Variants in HS3ST2 observed in about 807,000 individuals in gnomAD.
The protein encoded by HS3ST2 is heparan sulfate-glucosamine 3-sulfotransferase 2.
A neutral mutation model predicts 26.3 loss-of-function variants in HS3ST2; 17 were observed. The ratio of observed to expected loss-of-function variants is 0.65; its 90% CI spans 0.44 to 0.97. HS3ST2 has a LOEUF of 0.97. Among genes scored for constraint, HS3ST2 ranks in the 50% least tolerant of loss-of-function variants. HS3ST2 has a pLI of 0.00. For missense variants in HS3ST2, 402 were observed against 501.2 expected (o/e 0.80, Z 1.89); for synonymous variants, 237 against 219.2 (o/e 1.08, Z -0.72).
chr16:22,866,698 G>A (rs1901763489), intron 1 of HS3ST2, among the ~76,000 whole-genome samples: 1 of 152,094 alleles, frequency 6.6e-6, no homozygotes, highest in Non-Finnish European at 1.5e-5. Context: ...CTACTTGGGA[G>A]GCTGAGGTGG....
At chr16:22,862,118 C>T (rs75464871) in intron 1 of HS3ST2, among the ~76,000 whole-genome samples, 4,957 of 152,276 alleles carry the variant, frequency 0.033, 236 homozygotes, top group East Asian at 0.15. Context: ...ATGCCAAGTA[C>T]AGCACCTGGC....
intron 1 of HS3ST2, among the ~76,000 whole-genome samples, chr16:22,910,574 T>G (rs1439987944): frequency 6.6e-6 from 1 of 152,220 alleles, no homozygotes; most frequent in Non-Finnish European, 1.5e-5. Flanking sequence ...TACTACTTTT[T>G]TTAATTAGTT....
intron 1 of HS3ST2, among the ~76,000 whole-genome samples, chr16:22,842,062 C>CTTTTTTTTTTTTTTTTTT (rs11285807): frequency 1.8e-5 from 2 of 111,788 alleles, no homozygotes; most frequent in Non-Finnish European, 3.5e-5. Flanking sequence ...TCTTTTCTTT[C>CTTTTTTTTTTTTTTTTTT]TTTTTTTTTT....
At chr16:22,840,105 A>G (rs1040720998) in intron 1 of HS3ST2, among the ~76,000 whole-genome samples, 1 of 152,220 alleles carries the variant, frequency 6.6e-6, no homozygotes, top group Non-Finnish European at 1.5e-5. Context: ...TTTGACATCA[A>G]ATCAATTCTG....
At chr16:22,898,053 C>T (rs1482279352) in intron 1 of HS3ST2, among the ~76,000 whole-genome samples, 1 of 152,214 alleles carries the variant, frequency 6.6e-6, no homozygotes, top group Admixed American at 6.5e-5. Flanking sequence ...CAGGAGCTCA[C>T]GTCTTCTTGA....
intron 1 of HS3ST2, among the ~76,000 whole-genome samples, chr16:22,864,265 T>C (rs190134962): frequency 6.6e-6 from 1 of 152,300 alleles, no homozygotes; most frequent in Admixed American, 6.5e-5. Context: ...AAGGATCCTC[T>C]GGCTGCAAAG....
rs113749671 is a variant in HS3ST2 at position 22,900,401 on chromosome 16, G to A, written c.486-14543G>A. Among the ~76,000 whole-genome samples the A allele has an allele frequency of 5.6e-3, 847 of 152,314 alleles. 4 individuals are homozygous for A. Among genetic ancestry groups the A allele is most frequent in the Middle Eastern group, 0.014 (4 of 294 alleles). On this transcript the variant is annotated intron_variant, in intron 1 of 1. Coordinates refer to ENST00000261374, the MANE Select transcript of HS3ST2 (RefSeq NM_006043.2). ...GAGAGCAAGCTGACTCAGGCTGGAA[G>A]CTAGAAAGTAGAGCCTAGCTAGAGA...
intron 1 of HS3ST2, among the ~76,000 whole-genome samples, chr16:22,886,949 G>C (rs112089776): frequency 6.6e-6 from 1 of 152,024 alleles, no homozygotes; most frequent in Non-Finnish European, 1.5e-5. Flanking sequence ...ATGAGGTTTT[G>C]CTATGTTGCC....
chr16:22,911,138 T>C (rs1902420412), intron 1 of HS3ST2, among the ~76,000 whole-genome samples: 1 of 152,176 alleles, frequency 6.6e-6, no homozygotes, highest in Non-Finnish European at 1.5e-5. Flanking sequence ...TCCATGAACA[T>C]ATTAAGGATA....
intron 1 of HS3ST2, among the ~76,000 whole-genome samples, chr16:22,819,938 A>G (rs1415612037): frequency 1.3e-5 from 2 of 152,270 alleles, no homozygotes; most frequent in African/African-American, 4.8e-5. Flanking sequence ...GCCATGACGT[A>G]GTTAATGCAG....
chr16:22,839,953 G>A (rs761922614), intron 1 of HS3ST2, among the ~76,000 whole-genome samples: 2 of 152,116 alleles, frequency 1.3e-5, no homozygotes, highest in Non-Finnish European at 2.9e-5. Context: ...GTCACATTCT[G>A]GAAAATAATA....
At chr16:22,823,281 A>T (rs752918777) in intron 1 of HS3ST2, among the ~76,000 whole-genome samples, 1 of 152,236 alleles carries the variant, frequency 6.6e-6, no homozygotes, top group Non-Finnish European at 1.5e-5. Flanking sequence ...ACTAGGGGAC[A>T]CTACTAAGAG....
At chr16:22,906,001 G>A (rs962256223) in intron 1 of HS3ST2, among the ~76,000 whole-genome samples, 3 of 152,260 alleles carry the variant, frequency 2.0e-5, no homozygotes, top group African/African-American at 2.4e-5. Flanking sequence ...TAAAGGACAC[G>A]TGGCTAAAGG....
At chr16:22,827,496 G>A (rs1004667545) in intron 1 of HS3ST2, among the ~76,000 whole-genome samples, 1 of 152,078 alleles carries the variant, frequency 6.6e-6, no homozygotes, top group African/African-American at 2.4e-5. Flanking sequence ...AGCAGTGGTG[G>A]TGGAGAGAGA....
At chr16:22,902,277 G>A (rs75102783) in intron 1 of HS3ST2, among the ~76,000 whole-genome samples, 11,499 of 152,168 alleles carry the variant, frequency 0.076, 522 homozygotes, top group African/African-American at 0.11. Context: ...AGAAATGTGG[G>A]TTGTTTCTGG....
chr16:22,830,170 C>T (rs531458570), intron 1 of HS3ST2, among the ~76,000 whole-genome samples: 9 of 150,190 alleles, frequency 6.0e-5, no homozygotes, highest in Admixed American at 3.3e-4. Flanking sequence ...AGGATAGAAG[C>T]TCTCTGCAAC....
chr16:22,849,188 G>A (rs1405365080), intron 1 of HS3ST2, among the ~76,000 whole-genome samples: 1 of 152,286 alleles, frequency 6.6e-6, no homozygotes, highest in East Asian at 1.9e-4. Flanking sequence ...CTCTCTGGCA[G>A]TTATGGCTCC....
chr16:22,851,697 A>G (rs368119474), intron 1 of HS3ST2, among the ~76,000 whole-genome samples: 1 of 152,192 alleles, frequency 6.6e-6, no homozygotes, highest in South Asian at 2.1e-4. Flanking sequence ...AAGGTGAAGG[A>G]CGCCTTAGAC....
At chr16:22,853,240 C>T (rs1901542379) in intron 1 of HS3ST2, among the ~76,000 whole-genome samples, 1 of 152,146 alleles carries the variant, frequency 6.6e-6, no homozygotes, top group African/African-American at 2.4e-5. Context: ...TCTCCTATCA[C>T]CAAAGATTAA....
Sources: gnomAD v4.1 joint callset for allele counts (sites outside exome capture counted in the v4.1 genomes callset) on GRCh38, gnomAD v4.1.1 for gene constraint, MANE v1.5 for transcripts, NCBI Gene and HGNC (gene_info 2026-07-23, HGNC 2026-07-21) for gene names.